Variants in TRAK2 observed in about 807,000 individuals in gnomAD.
TRAK2 encodes the protein trafficking kinesin protein 2.
Under a neutral mutation model 104.6 loss-of-function variants are expected in TRAK2, and 81 were observed. The ratio of observed to expected loss-of-function variants is 0.77; its 90% CI spans 0.65 to 0.93. TRAK2 has a LOEUF of 0.93. Ranked by LOEUF, TRAK2 falls within the 40% of genes least tolerant of loss-of-function variation. The pLI, the probability that TRAK2 is intolerant of heterozygous loss-of-function variation, is 0.00. For synonymous variants in TRAK2, 406 were observed against 394.4 expected (o/e 1.03, Z -0.35); for missense variants, 1,002 against 1,089.0 (o/e 0.92, Z 1.12).
intron 1 of TRAK2, among the ~76,000 whole-genome samples, chr2:201,444,975 C>T (rs180947370): frequency 3.9e-5 from 6 of 152,256 alleles, no homozygotes; most frequent in Admixed American, 3.9e-4. Flanking sequence ...TCATTCCTTC[C>T]TTTTTTGTGA....
At chr2:201,410,550 A>C in intron 2 of TRAK2, 1 of 1,159,670 alleles carries the variant, frequency 8.6e-7, no homozygotes, top group Non-Finnish European at 1.3e-6. Flanking sequence ...CACCTCACCC[A>C]AAAAGATCTT....
Position 201,380,493 on chromosome 2 carries a change from T to C in TRAK2, c.*50A>G, listed in dbSNP as rs1386034504. The C allele has an allele frequency of 1.3e-6, 2 of 1,556,702 alleles. No homozygotes were observed. The highest frequency in any genetic ancestry group is 1.8e-6 in the Non-Finnish European group (2 of 1,138,060). Reference sequence around the variant, plus strand: ...ACCAGACCACATGTTTCAGTGCATATCTATCCTTCATGTGCTAACTTGTAT... The same window carrying C: ...ACCAGACCACATGTTTCAGTGCATACCTATCCTTCATGTGCTAACTTGTAT... On this transcript the variant is annotated 3_prime_UTR_variant, in exon 16 of 16. Coordinates refer to ENST00000332624, the MANE Select transcript of TRAK2 (RefSeq NM_015049.3).
chr2:201,389,152 AT>A (rs1951420207), intron 12 of TRAK2, 147 bp downstream of exon 12: 1 of 780,138 alleles, frequency 1.3e-6, no homozygotes, highest in Non-Finnish European at 2.1e-6. Flanking sequence ...TGTCTCATGA[AT>A]AATGATACAA....
intron 3 of TRAK2, among the ~76,000 whole-genome samples, chr2:201,402,831 A>T (rs1951560985): frequency 6.6e-6 from 1 of 152,216 alleles, no homozygotes; most frequent in Non-Finnish European, 1.5e-5. Context: ...ATTCCGATTT[A>T]ATTAATTTCA....
At position 201,411,158 on chromosome 2, in the gene TRAK2, A is replaced by G; in HGVS notation, c.92-3561T>C. On this transcript the variant is annotated intron_variant, in intron 2 of 15. Coordinates refer to ENST00000332624, the MANE Select transcript of TRAK2 (RefSeq NM_015049.3). ...AAAGGCTAGTCAAAGATGACATATT[A>G]TCCATCAATGTGTCTGTCAAGTCCT... The G allele has an allele frequency of 3.9e-6, 3 of 765,314 alleles. No individual in the cohort carries two copies. In the South Asian group the frequency reaches 4.7e-5, roughly 12 times the overall value. 47.4% of individuals were successfully genotyped at this position (765,314 alleles called of 1,614,324 possible).
At chr2:201,412,057 T>C (rs898544937) in intron 2 of TRAK2, 1 of 1,098,428 alleles carries the variant, frequency 9.1e-7, no homozygotes, top group Non-Finnish European at 1.4e-6. Flanking sequence ...AAATCTGGAT[T>C]GGCTCCTGCT....
Position 201,427,661 on chromosome 2 carries a change from A to C in TRAK2, c.-199-6955T>G, listed in dbSNP as rs1951801975. 3.9e-5 allele frequency among the ~76,000 whole-genome samples: 6 copies of C among 152,282 alleles called. No individual in the cohort carries two copies. In the South Asian group the frequency reaches 1.2e-3, roughly 32 times the overall value. On this transcript the variant is annotated intron_variant, in intron 1 of 15. Transcript: ENST00000332624. ...GTGCATGTGTCTGTATAGCAGCATG[A>C]TTTATAATCCTTTGGGTATATACCC...
At chr2:201,430,905 C>T (rs1951836759) in intron 1 of TRAK2, among the ~76,000 whole-genome samples, 1 of 152,210 alleles carries the variant, frequency 6.6e-6, no homozygotes, top group Non-Finnish European at 1.5e-5. Context: ...TTCTGCGTCA[C>T]TCACGCTGGA....
At chr2:201,410,688 CA>C (rs1951638058) in intron 2 of TRAK2, 1 of 1,328,022 alleles carries the variant, frequency 7.5e-7, no homozygotes, top group Non-Finnish European at 1.1e-6. Context: ...TCTGTGTTCC[CA>C]TTACTGAACT....
intron 1 of TRAK2, among the ~76,000 whole-genome samples, chr2:201,435,674 C>T (rs1474957821): frequency 6.6e-6 from 1 of 152,176 alleles, no homozygotes; most frequent in Admixed American, 6.5e-5. Context: ...ATCTTAACAG[C>T]TGACAACAGT....
Position 201,395,320 on chromosome 2 carries a change from A to T in TRAK2, c.894T>A (p.Leu298=). Residue 298 remains leucine (L), a synonymous_variant, in exon 8 of 16, where the codon CTT becomes CTA. Coordinates refer to ENST00000332624, the MANE Select transcript of TRAK2 (RefSeq NM_015049.3). ...LSQIVDLQHK[L]KEHVIEKEEL... is the part of the protein sequence containing the mutation. The stretch of plus-strand genomic sequence containing the variant: ...AATGAATGAATAAACCTACTTCTTT[A>T]AGTTTGTGCTGAAGGTCTACAATCT... 1 of 1,603,728 alleles carries T rather than the reference A, an allele frequency of 6.2e-7. No individual in the cohort carries two copies. The highest frequency in any genetic ancestry group is 2.2e-5 in the East Asian group (1 of 44,716).
At chr2:201,398,660 T>TAATGTATTC (rs908132201) in intron 5 of TRAK2, among the ~76,000 whole-genome samples, 3 of 152,104 alleles carry the variant, frequency 2.0e-5, no homozygotes, top group Non-Finnish European at 4.4e-5. Flanking sequence ...CGTAAGATAA[T>TAATGTATTC]AATACATTCA....
At chr2:201,448,891 G>A (rs150043038) in intron 1 of TRAK2, among the ~76,000 whole-genome samples, 60 of 152,200 alleles carry the variant, frequency 3.9e-4, no homozygotes, top group Middle Eastern at 3.4e-3. Flanking sequence ...GGTAGACATG[G>A]GGTTTTGCTA....
intron 2 of TRAK2, chr2:201,419,589 C>A (rs1265607800): frequency 6.5e-6 from 1 of 154,304 alleles, no homozygotes; most frequent in Non-Finnish European, 1.5e-5. Flanking sequence ...TACAAGGGAA[C>A]TTTCTGTGGG....
chr2:201,384,249 T>C (rs549458896), intron 14 of TRAK2, 33 bp from the exon 15 acceptor site: 8 of 1,469,878 alleles, frequency 5.4e-6, no homozygotes, highest in African/African-American at 2.8e-5. Context: ...AAATACAAGA[T>C]TGAAAGTCTA....
In TRAK2 at chr2:201,394,828, G is replaced by C. The variant is rs753789818; in HGVS notation, c.945C>G (p.Ser315=). The C allele has an allele frequency of 6.2e-7, 1 of 1,613,898 alleles. No homozygotes were observed. Among genetic ancestry groups the C allele is most frequent in the South Asian group, 1.1e-5 (1 of 91,044 alleles). ...KEELKLHLQA[S]KDAQRQLTME... ...TTGTCAGTTGCCGTTGGGCATCTTT[G>C]GAAGCTTGCAGGTGAAGTTTTAGTT... The change falls in exon 9 of 16, where the codon TCC becomes TCG. Residue 315 remains serine (S), a synonymous_variant. Coordinates refer to ENST00000332624, the MANE Select transcript of TRAK2 (RefSeq NM_015049.3).
In TRAK2 at chr2:201,386,275, T is replaced by C; in HGVS notation, c.1906A>G (p.Lys636Glu). 6.2e-7 allele frequency: 1 copy of C among 1,614,142 alleles called. No homozygotes were observed. Among genetic ancestry groups the C allele is most frequent in the South Asian group, 1.1e-5 (1 of 91,086 alleles). The change falls in exon 14 of 16, where the codon AAG becomes GAG. Residue 636 changes from lysine (K) to glutamate (E), a missense_variant. By Grantham distance (56) the Lys-to-Glu change is moderately conservative (BLOSUM62 1). Transcript: ENST00000332624. ...GGCAGGAAGATCCCTGTTACTGGCT[T>C]GGATGTTGAAAGTTTCTCTTCCACT... ...LEVEEKLSTS[K>E]PVTGIFLPPI...
rs147049102 is a variant in TRAK2, at chr2:201,391,965, T to C, written c.1113+944A>G. ...ATTTGAATGGGCTCTGTGGATTAGATGATAATACTGCATAAACATCAACTT... is the reference window on the plus strand; with the variant it reads ...ATTTGAATGGGCTCTGTGGATTAGACGATAATACTGCATAAACATCAACTT... On this transcript the variant is annotated intron_variant, in intron 10 of 15. Coordinates refer to ENST00000332624, the MANE Select transcript of TRAK2 (RefSeq NM_015049.3). 4.0e-3 allele frequency among the ~76,000 whole-genome samples: 613 copies of C among 152,324 alleles called. 2 individuals are homozygous for C. The highest frequency in any genetic ancestry group is 6.4e-3 in the Non-Finnish European group (436 of 68,012).
At chr2:201,437,987 G>A (rs1951891449) in intron 1 of TRAK2, among the ~76,000 whole-genome samples, 1 of 152,098 alleles carries the variant, frequency 6.6e-6, no homozygotes, top group Non-Finnish European at 1.5e-5. Flanking sequence ...ACACATCCTG[G>A]CTTATTTATT....
Sources: allele counts gnomAD v4.1 joint callset (sites outside exome capture counted in the v4.1 genomes callset), GRCh38; gene constraint gnomAD v4.1.1; transcripts MANE v1.5; gene names NCBI Gene and HGNC (gene_info 2026-07-23, HGNC 2026-07-21).